PIK3C2G: variants seen among roughly 807,000 people sequenced by gnomAD.
The protein encoded by PIK3C2G is phosphatidylinositol-4-phosphate 3-kinase catalytic subunit type 2 gamma, also known as phosphatidylinositol 3-kinase C2 domain-containing subunit gamma.
Under a neutral mutation model 181.1 loss-of-function variants are expected in PIK3C2G, and 168 were observed. The observed-to-expected ratio is 0.93, with a 90% CI of 0.82 to 1.05. The LOEUF (loss-of-function observed/expected upper bound fraction) is 1.05. Among genes scored for constraint, PIK3C2G ranks in the 50% least tolerant of loss-of-function variants. The pLI, the probability that PIK3C2G is intolerant of heterozygous loss-of-function variation, is 0.00. For synonymous variants in PIK3C2G, 573 were observed against 592.2 expected, an observed-to-expected ratio of 0.97 and a Z score of 0.47; for missense variants, 1,869 against 1,732.8, an observed-to-expected ratio of 1.08 and a Z score of -1.40.
intron 18 of PIK3C2G, among the ~76,000 whole-genome samples, chr12:18,450,346 G>C (rs866783793): frequency 6.6e-6 from 1 of 152,018 alleles, no homozygotes; most frequent in Admixed American, 6.5e-5. Flanking sequence ...GGCTGGTCTC[G>C]AACTCCCAAC....
intron 13 of PIK3C2G, among the ~76,000 whole-genome samples, chr12:18,373,117 T>A (rs2137891725): frequency 6.6e-6 from 1 of 152,348 alleles, no homozygotes; most frequent in East Asian, 1.9e-4. Flanking sequence ...CAGAAATATG[T>A]CACATGGGGC....
chr12:18,718,182 C>G, the PIK3C2G span, among the ~76,000 whole-genome samples: 1 of 152,058 alleles, frequency 6.6e-6, no homozygotes, highest in Non-Finnish European at 1.5e-5. Flanking sequence ...AAGATATTTT[C>G]AAGTATTGGG....
intron 29 of PIK3C2G, among the ~76,000 whole-genome samples, 166 bp from the exon 30 acceptor site, chr12:18,594,328 T>C (rs1947239115): frequency 6.6e-6 from 1 of 152,080 alleles, no homozygotes. Flanking sequence ...AATGGTAAGA[T>C]GATAGCACTG....
At chr12:18,650,347 A>ATGATATATATG (rs1950386085), downstream of PIK3C2G, among the ~76,000 whole-genome samples, 2 of 114,544 alleles carry the variant, frequency 1.7e-5, no homozygotes, top group Non-Finnish European at 3.7e-5. Context: ...ATATATATAT[A>ATGATATATATG]TGTGTGTGTG....
At chr12:18,280,131 C>A (rs1264117237) in intron 1 of PIK3C2G, among the ~76,000 whole-genome samples, 1 of 151,982 alleles carries the variant, frequency 6.6e-6, no homozygotes, top group Non-Finnish European at 1.5e-5. Flanking sequence ...GAAGCAAATA[C>A]TTCACGATTT....
intron 21 of PIK3C2G, among the ~76,000 whole-genome samples, chr12:18,496,824 T>TA (rs1392467706): frequency 1.3e-4 from 20 of 152,070 alleles, no homozygotes; most frequent in African/African-American, 4.3e-4. Context: ...GGATAATGAG[T>TA]AGTGTGCCCA....
intron 29 of PIK3C2G, among the ~76,000 whole-genome samples, chr12:18,583,772 GAA>G (rs36079625): frequency 6.8e-5 from 10 of 147,302 alleles, no homozygotes; most frequent in East Asian, 2.0e-4. Context: ...TCAAAGATAA[GAA>G]AAAAAAAAAT....
intron 11 of PIK3C2G, among the ~76,000 whole-genome samples, chr12:18,362,468 C>T (rs1941322132): frequency 6.6e-6 from 1 of 152,144 alleles, no homozygotes; most frequent in South Asian, 2.1e-4. Context: ...TTTGACATGG[C>T]TGGTTTTGAA....
chr12:18,535,880 T>A (rs1371888049), intron 24 of PIK3C2G, among the ~76,000 whole-genome samples: 2 of 152,014 alleles, frequency 1.3e-5, no homozygotes, highest in Non-Finnish European at 2.9e-5. Context: ...ACACCGCATG[T>A]TCTCACTCAC....
intron 24 of PIK3C2G, among the ~76,000 whole-genome samples, chr12:18,516,609 G>A (rs762307564): frequency 7.9e-5 from 12 of 151,876 alleles, no homozygotes; most frequent in East Asian, 5.8e-4. Flanking sequence ...ATTATGTGGC[G>A]CTTAGTTTGC....
At chr12:18,417,996 T>C (rs536579580) in intron 16 of PIK3C2G, among the ~76,000 whole-genome samples, 10 of 152,180 alleles carry the variant, frequency 6.6e-5, no homozygotes. Context: ...CAGAAGGAAA[T>C]AAAATTGACT....
At chr12:18,576,785 A>T (rs574232044) in intron 29 of PIK3C2G, among the ~76,000 whole-genome samples, 99 of 152,338 alleles carry the variant, frequency 6.5e-4, no homozygotes, top group African/African-American at 2.3e-3. Flanking sequence ...AGCACATAGA[A>T]TGTTGACATC....
chr12:18,589,285 AAAAC>A (rs1946950050), intron 29 of PIK3C2G, among the ~76,000 whole-genome samples: 1 of 152,046 alleles, frequency 6.6e-6, no homozygotes, highest in South Asian at 2.1e-4. Context: ...AAGGAAAAGA[AAAAC>A]AGTGTGATGG....
the PIK3C2G span, chr12:18,719,462 A>G: frequency 6.4e-7 from 1 of 1,555,074 alleles, no homozygotes; most frequent in Admixed American, 1.8e-5. Flanking sequence ...CTTGGTCCCA[A>G]TAATTGATCA....
chr12:18,684,520 C>A, the PIK3C2G span, among the ~76,000 whole-genome samples: 1 of 151,984 alleles, frequency 6.6e-6, no homozygotes, highest in African/African-American at 2.4e-5. Flanking sequence ...GATAACCACC[C>A]CATCAGGGTG....
At chr12:18,703,668 T>G in the PIK3C2G span, among the ~76,000 whole-genome samples, 4 of 152,206 alleles carry the variant, frequency 2.6e-5, no homozygotes, top group South Asian at 8.3e-4. Flanking sequence ...ATGTTAACCC[T>G]TGTGTGGAAA....
intron 11 of PIK3C2G, among the ~76,000 whole-genome samples, chr12:18,353,611 G>C (rs192614035): frequency 1.3e-5 from 2 of 152,138 alleles, no homozygotes; most frequent in Admixed American, 6.6e-5. Flanking sequence ...CCTCTTTCTT[G>C]TGTCCCCCCA....
chr12:18,248,405 T>C (rs1209772979), intron 1 of PIK3C2G, among the ~76,000 whole-genome samples: 2 of 151,950 alleles, frequency 1.3e-5, no homozygotes, highest in South Asian at 2.1e-4. Flanking sequence ...ACCCCGTCTC[T>C]ACTAAAAAAA....
At chr12:18,638,007 C>A (rs1949679001) in intron 31 of PIK3C2G, among the ~76,000 whole-genome samples, 1 of 152,204 alleles carries the variant, frequency 6.6e-6, no homozygotes, top group South Asian at 2.1e-4. Context: ...ACTTTATGTT[C>A]TTTCTACCAT....
Sources: gnomAD v4.1 joint callset for allele counts (sites outside exome capture counted in the v4.1 genomes callset) on GRCh38, gnomAD v4.1.1 for gene constraint, MANE v1.5 for transcripts, NCBI Gene and HGNC (gene_info 2026-07-23, HGNC 2026-07-21) for gene names.